Variants in ASIC2 observed in about 807,000 individuals in gnomAD.
ASIC2 encodes acid-sensing ion channel 2.
In ASIC2, 25 loss-of-function variants were observed where a neutral mutation model predicts 57.3. The ratio of observed to expected loss-of-function variants is 0.44; its 90% CI spans 0.32 to 0.61. The LOEUF (loss-of-function observed/expected upper bound fraction) is 0.61. ASIC2 is among the 20% of genes least tolerant of loss of function. The probability of loss-of-function intolerance (pLI) is 0.06; values close to 1 mark genes in which losing one functional copy is unlikely to be tolerated. For missense variants in ASIC2, 641 were observed against 738.1 expected, an observed-to-expected ratio of 0.87 and a Z score of 1.52; for synonymous variants, 319 against 307.5, an observed-to-expected ratio of 1.04 and a Z score of -0.39.
chr17:33,565,724 G>A (rs1451296567), intron 1 of ASIC2: 1 of 152,208 alleles, frequency 6.6e-6, no homozygotes, highest in Non-Finnish European at 1.5e-5. Context: ...GAGTCTGTTA[G>A]GAAACTTAGG....
chr17:33,924,732 G>A (rs556783585), intron 1 of ASIC2, among the ~76,000 whole-genome samples: 1 of 152,314 alleles, frequency 6.6e-6, no homozygotes, highest in East Asian at 1.9e-4. Context: ...TTGGCCATAT[G>A]TGCTTGGACA....
chr17:33,569,912 T>A (rs1460789785), intron 1 of ASIC2, among the ~76,000 whole-genome samples: 1 of 152,226 alleles, frequency 6.6e-6, no homozygotes, highest in Admixed American at 6.5e-5. Context: ...ATCATATCTA[T>A]ATGAACCCTT....
chr17:33,706,867 G>C (rs1167396508), intron 1 of ASIC2, among the ~76,000 whole-genome samples: 1 of 152,142 alleles, frequency 6.6e-6, no homozygotes, highest in African/African-American at 2.4e-5. Flanking sequence ...TAACTGTGCT[G>C]TCATTCTGAA....
chr17:33,023,464 T>C (rs1005786307), intron 6 of ASIC2, among the ~76,000 whole-genome samples: 1 of 148,342 alleles, frequency 6.7e-6, no homozygotes, highest in Non-Finnish European at 1.5e-5. Context: ...CACTCCAGCC[T>C]GGGCAACAGG....
intron 1 of ASIC2, among the ~76,000 whole-genome samples, chr17:33,956,400 G>A (rs1010669243): frequency 6.6e-6 from 1 of 152,056 alleles, no homozygotes; most frequent in Admixed American, 6.5e-5. Flanking sequence ...AAAGGGAGTC[G>A]GGTAGCCCTG....
chr17:34,150,689 C>T (rs1016431718), intron 1 of ASIC2, among the ~76,000 whole-genome samples: 2 of 151,880 alleles, frequency 1.3e-5, no homozygotes, highest in African/African-American at 4.8e-5. Flanking sequence ...AGAAGACAGA[C>T]GAGAGAGTAA....
rs1907951835 is a variant in ASIC2 at position 33,680,050 on chromosome 17, G to A, written c.555+475928C>T. 2.0e-5 allele frequency among the ~76,000 whole-genome samples: 3 copies of A among 152,200 alleles called. No individual in the cohort carries two copies. In the South Asian group the frequency reaches 6.2e-4, roughly 32 times the overall value. Reference sequence around the variant, plus strand: ...GGATAGGGCTGTGTTATTGATTGATGGGGGACCTTTGACGGTCAGAAATGG... The same window carrying A: ...GGATAGGGCTGTGTTATTGATTGATAGGGGACCTTTGACGGTCAGAAATGG... On this transcript the variant is annotated intron_variant, in intron 1 of 9. Transcript: ENST00000359872.
At chr17:33,590,452 C>T (rs1239157924) in intron 1 of ASIC2, among the ~76,000 whole-genome samples, 2 of 152,106 alleles carry the variant, frequency 1.3e-5, no homozygotes, top group Non-Finnish European at 2.9e-5. Context: ...TGGTGAGGAA[C>T]AGGTTTCTTA....
In ASIC2 at chr17:33,258,517, G is replaced by C. The variant is rs1331525981; in HGVS notation, c.708+32891C>G. On this transcript the variant is annotated intron_variant, in intron 1 of 9. Transcript: ENST00000225823. ...GAGCAGAGATCTAAATGAAGTGAGG[G>C]AGCGAGGAGGCAGATGAACACAGGA... Among the ~76,000 whole-genome samples the C allele has an allele frequency of 2.0e-5, 3 of 152,008 alleles. No homozygotes were observed. In the East Asian group the frequency reaches 5.8e-4, roughly 29 times the overall value.
chr17:33,660,918 C>G (rs1379380545), intron 1 of ASIC2, among the ~76,000 whole-genome samples: 1 of 152,186 alleles, frequency 6.6e-6, no homozygotes. Flanking sequence ...TTCCATGCAC[C>G]AAGCCCACCC....
At position 33,266,929 on chromosome 17, in the gene ASIC2, C is replaced by T. The variant is rs569465135; in HGVS notation, c.708+24479G>A. ...GCTTGACAAGGGAAACTGCTTGGAG[C>T]GATTCGGGTGACACAACGATTTGGT... On this transcript the variant is annotated intron_variant, in intron 1 of 9. Coordinates refer to ENST00000225823, the MANE Select transcript of ASIC2 (RefSeq NM_183377.2). Among the ~76,000 whole-genome samples the T allele has an allele frequency of 4.6e-5, 7 of 152,206 alleles. No homozygotes were observed. The East Asian group carries it at 9.7e-4, about 21-fold the overall frequency.
At chr17:33,611,293 C>G (rs928374395) in intron 1 of ASIC2, among the ~76,000 whole-genome samples, 2 of 152,122 alleles carry the variant, frequency 1.3e-5, no homozygotes, top group African/African-American at 4.8e-5. Context: ...GCTCCAGAAA[C>G]CTGGGCTCTG....
intron 3 of ASIC2, among the ~76,000 whole-genome samples, chr17:33,040,492 G>T (rs1163205567): frequency 6.6e-6 from 1 of 152,214 alleles, no homozygotes; most frequent in Non-Finnish European, 1.5e-5. Flanking sequence ...AAGCTCCAGG[G>T]TCTTCAAAGT....
At chr17:34,012,084 A>T in intron 1 of ASIC2, among the ~76,000 whole-genome samples, 1 of 152,116 alleles carries the variant, frequency 6.6e-6, no homozygotes, top group East Asian at 1.9e-4. Flanking sequence ...TTGCAACACC[A>T]TCCCTGCCTG....
intron 1 of ASIC2, among the ~76,000 whole-genome samples, chr17:33,728,452 G>A (rs1265731263): frequency 6.6e-6 from 1 of 152,120 alleles, no homozygotes; most frequent in Non-Finnish European, 1.5e-5. Flanking sequence ...CAACTTATGG[G>A]ACCCCTAGCT....
chr17:33,366,097 G>A (rs1039681175), intron 1 of ASIC2, among the ~76,000 whole-genome samples: 1 of 152,256 alleles, frequency 6.6e-6, no homozygotes, highest in Non-Finnish European at 1.5e-5. Context: ...GCTTCTGGCT[G>A]ATGACCCTCC....
intron 1 of ASIC2, among the ~76,000 whole-genome samples, chr17:33,944,524 G>T (rs1321590051): frequency 2.0e-5 from 3 of 152,202 alleles, no homozygotes; most frequent in African/African-American, 7.2e-5. Flanking sequence ...CAAGGCAGTC[G>T]AGTAGGGCTG....
At chr17:33,073,623 G>T (rs756007834) in intron 3 of ASIC2, among the ~76,000 whole-genome samples, 3 of 152,176 alleles carry the variant, frequency 2.0e-5, no homozygotes, top group Non-Finnish European at 2.9e-5. Flanking sequence ...GGAACAATGG[G>T]GTTGATAATG....
intron 1 of ASIC2, among the ~76,000 whole-genome samples, chr17:34,059,659 G>A (rs571430699): frequency 1.4e-3 from 210 of 152,258 alleles, no homozygotes; most frequent in Non-Finnish European, 2.1e-3. Context: ...GGAGGGGCAC[G>A]GTGAGAATGC....
Sources: allele counts gnomAD v4.1 joint callset (sites outside exome capture counted in the v4.1 genomes callset), GRCh38; gene constraint gnomAD v4.1.1; transcripts MANE v1.5; gene names NCBI Gene and HGNC (gene_info 2026-07-23, HGNC 2026-07-21).